ARHGAP17: variants seen among roughly 807,000 people sequenced by gnomAD.
The protein encoded by ARHGAP17 is rho GTPase-activating protein 17.
Under a neutral mutation model 99.5 loss-of-function variants are expected in ARHGAP17, and 57 were observed. The ratio of observed to expected loss-of-function variants is 0.57; its 90% CI spans 0.46 to 0.71. ARHGAP17 has a LOEUF of 0.71. Ranked by LOEUF, ARHGAP17 falls within the 30% of genes least tolerant of loss-of-function variation. The pLI, the probability that ARHGAP17 is intolerant of heterozygous loss-of-function variation, is 0.00. For missense variants in ARHGAP17, 1,000 were observed against 1,122.4 expected, an observed-to-expected ratio of 0.89 and a Z score of 1.56; for synonymous variants, 417 against 429.6, an observed-to-expected ratio of 0.97 and a Z score of 0.36.
chr16:24,969,573 G>A (rs539791317), intron 4 of ARHGAP17, among the ~76,000 whole-genome samples: 2 of 152,350 alleles, frequency 1.3e-5, no homozygotes, highest in South Asian at 4.1e-4. Flanking sequence ...GGTTCTAAGT[G>A]CTGATATGAC....
chr16:24,947,364 CA>C, intron 14 of ARHGAP17, 117 bp downstream of exon 14: 1 of 937,136 alleles, frequency 1.1e-6, no homozygotes. Flanking sequence ...ATGAGAAAAC[CA>C]ACTTCAGAAT....
At chr16:24,928,261 A>T (rs1597358046) in intron 19 of ARHGAP17, among the ~76,000 whole-genome samples, 1 of 152,252 alleles carries the variant, frequency 6.6e-6, no homozygotes, top group African/African-American at 2.4e-5. Context: ...GGATTTTAAG[A>T]TAGTACAGGT....
At position 24,930,982 on chromosome 16, in the gene ARHGAP17, G is replaced by T; in HGVS notation, c.2317C>A (p.Leu773Met). ...TPPLGKQNPSLPAPQTLAGGN... is the reference protein window; with the variant it reads ...TPPLGKQNPSMPAPQTLAGGN... ...CCTGCCAGGGTCTGAGGAGCTGGCA[G>T]ACTGGGGTTCTGTTTTCCTAGGGGC... Residue 773 changes from leucine (L) to methionine (M), a missense_variant, in exon 19 of 20, where the codon CTG becomes ATG. Leu to Met is a conservative substitution (Grantham distance 15). Coordinates refer to ENST00000289968, the MANE Select transcript of ARHGAP17 (RefSeq NM_001006634.3). 12 of 1,614,000 alleles carry T rather than the reference G, an allele frequency of 7.4e-6. No homozygotes were observed. Among genetic ancestry groups the T allele is most frequent in the Non-Finnish European group, 1.0e-5 (12 of 1,179,978 alleles).
At chr16:25,000,784 C>T (rs2053339928) in intron 1 of ARHGAP17, among the ~76,000 whole-genome samples, 1 of 152,230 alleles carries the variant, frequency 6.6e-6, no homozygotes, top group South Asian at 2.1e-4. Flanking sequence ...GTTCCTAAAT[C>T]TAAAGTGCAT....
chr16:24,953,539 C>T (rs2051708484), intron 10 of ARHGAP17, among the ~76,000 whole-genome samples: 1 of 151,970 alleles, frequency 6.6e-6, no homozygotes, highest in African/African-American at 2.4e-5. Flanking sequence ...CCCCTTTGTG[C>T]GCATGCTCGC....
chr16:24,945,419 A>C (rs944392138), intron 14 of ARHGAP17, among the ~76,000 whole-genome samples: 1 of 152,184 alleles, frequency 6.6e-6, no homozygotes, highest in Non-Finnish European at 1.5e-5. Flanking sequence ...GAGAGTCAGA[A>C]CACCACAAAA....
chr16:25,015,108 A>G (rs2053749730), intron 1 of ARHGAP17, 101 bp downstream of exon 1: 1 of 1,110,050 alleles, frequency 9.0e-7, no homozygotes, highest in Non-Finnish European at 1.1e-6. Flanking sequence ...GCTGCGGCCC[A>G]GCTCAGAGCC....
chr16:24,950,450 C>T (rs377372604), intron 12 of ARHGAP17, among the ~76,000 whole-genome samples: 95 of 152,248 alleles, frequency 6.2e-4, no homozygotes, highest in African/African-American at 2.2e-3. Flanking sequence ...AGGCAGGGTT[C>T]CAAGGATACG....
At position 24,929,688 on chromosome 16, in the gene ARHGAP17, A is replaced by G. The variant is rs576614463; in HGVS notation, c.2515+1096T>C. The G allele has an allele frequency of 6.0e-5, 59 of 984,886 alleles. No homozygotes were observed. The South Asian group carries it at 9.4e-4, about 16-fold the overall frequency. 61.0% of individuals were successfully genotyped at this position (984,886 alleles called of 1,614,324 possible). On this transcript the variant is annotated intron_variant, in intron 19 of 19. Coordinates refer to ENST00000289968, the MANE Select transcript of ARHGAP17 (RefSeq NM_001006634.3). ...ATTGGGAAACAAAACAAACAAACCA[A>G]CATGGCTTTGTTGTTTTCAAAATAA...
At chr16:24,994,427 T>C (rs2053136238) in intron 1 of ARHGAP17, among the ~76,000 whole-genome samples, 1 of 152,212 alleles carries the variant, frequency 6.6e-6, no homozygotes, top group Admixed American at 6.5e-5. Context: ...GGTTAGTCAC[T>C]GAACAAATAT....
chr16:24,937,779 G>A (rs1168893998), intron 17 of ARHGAP17, among the ~76,000 whole-genome samples: 3 of 152,344 alleles, frequency 2.0e-5, no homozygotes, highest in Middle Eastern at 3.4e-3. Flanking sequence ...TCCCAAGGAC[G>A]ATGAGAAAGG....
rs2052338048 is a variant in ARHGAP17 at position 24,970,732 on chromosome 16, A to G, written c.199-152T>C. ...GGGTTCAGGTTCTGGTCTCACAGAT[A>G]TTAGTTGTATGATGATCTCTGTTTC... On this transcript the variant is annotated intron_variant, in intron 3 of 19. Transcript: ENST00000289968. The G allele has an allele frequency of 1.9e-5, 13 of 686,058 alleles. No homozygotes were observed. The South Asian group carries it at 2.1e-4, about 11-fold the overall frequency. 42.5% of individuals were successfully genotyped at this position (686,058 alleles called of 1,614,324 possible).
intron 14 of ARHGAP17, among the ~76,000 whole-genome samples, 176 bp downstream of exon 14, chr16:24,947,306 G>C (rs1406238756): frequency 6.6e-6 from 1 of 152,224 alleles, no homozygotes; most frequent in Non-Finnish European, 1.5e-5. Context: ...GTCACCACCA[G>C]CTGGGACAGC....
At chr16:24,942,346 GA>G (rs1157730396) in intron 15 of ARHGAP17, among the ~76,000 whole-genome samples, 1 of 152,192 alleles carries the variant, frequency 6.6e-6, no homozygotes, top group Admixed American at 6.5e-5. Flanking sequence ...GACAGGGGAA[GA>G]AGTATGGGTC....
intron 6 of ARHGAP17, among the ~76,000 whole-genome samples, chr16:24,965,678 T>C (rs913457167): frequency 2.0e-5 from 3 of 152,204 alleles, no homozygotes; most frequent in Admixed American, 2.0e-4. Context: ...GAGTCTGACA[T>C]GTTCAAGTTT....
At chr16:24,961,518 ATTTTTT>A (rs1171754361) in intron 7 of ARHGAP17, among the ~76,000 whole-genome samples, 4 of 81,498 alleles carry the variant, frequency 4.9e-5, no homozygotes, top group African/African-American at 1.5e-4. Flanking sequence ...AAAAAAAAAA[ATTTTTT>A]TTTTTTTTTT....
intron 9 of ARHGAP17, chr16:24,954,936 C>T: frequency 1.5e-6 from 1 of 651,636 alleles, no homozygotes; most frequent in East Asian, 3.2e-5. Context: ...ACTTGTGGAA[C>T]AGAAGCCTGA....
chr16:24,973,418 C>T (rs188725200), intron 3 of ARHGAP17, among the ~76,000 whole-genome samples: 2 of 152,302 alleles, frequency 1.3e-5, no homozygotes, highest in East Asian at 3.9e-4. Context: ...TTAGTCTTCT[C>T]TCACCATTGT....
chr16:24,949,902 C>A (rs924722101), intron 12 of ARHGAP17, among the ~76,000 whole-genome samples: 1 of 152,206 alleles, frequency 6.6e-6, no homozygotes, highest in Non-Finnish European at 1.5e-5. Flanking sequence ...GGCACCCAGA[C>A]CTCTGGGTCT....
Sources: gnomAD v4.1 joint callset for allele counts (sites outside exome capture counted in the v4.1 genomes callset) on GRCh38, gnomAD v4.1.1 for gene constraint, MANE v1.5 for transcripts, NCBI Gene and HGNC (gene_info 2026-07-23, HGNC 2026-07-21) for gene names.